The following ITGB8 variants were observed in gnomAD, a reference collection of about 807,000 sequenced individuals.
ITGB8 encodes the protein integrin beta-8.
A neutral mutation model predicts 89.5 loss-of-function variants in ITGB8; 30 were observed. The observed-to-expected ratio is 0.34, with a 90% CI of 0.25 to 0.45. The LOEUF is 0.45. ITGB8 is among the 20% of genes least tolerant of loss of function. The pLI is 1.00. For synonymous variants in ITGB8, 335 were observed against 320.4 expected, an observed-to-expected ratio of 1.05 and a Z score of -0.49; for missense variants, 836 against 933.3, an observed-to-expected ratio of 0.90 and a Z score of 1.36.
intron 1 of ITGB8, among the ~76,000 whole-genome samples, chr7:20,358,418 TC>T (rs1785375681): frequency 6.6e-6 from 1 of 151,020 alleles, no homozygotes; most frequent in African/African-American, 2.5e-5. Context: ...ATCATTTTTT[TC>T]TTTTTTTTTT....
intron 8 of ITGB8, among the ~76,000 whole-genome samples, chr7:20,396,165 G>A (rs544075839): frequency 2.6e-5 from 4 of 152,254 alleles, no homozygotes; most frequent in Admixed American, 1.3e-4. Context: ...TAGGCCGGGC[G>A]CGGTGGTTCA....
At chr7:20,378,685 G>A (rs576069519) in intron 3 of ITGB8, among the ~76,000 whole-genome samples, 4 of 151,834 alleles carry the variant, frequency 2.6e-5, no homozygotes, top group African/African-American at 7.3e-5. Flanking sequence ...ATCGAATGCC[G>A]CTTGCTGGTT....
At chr7:20,330,615 A>G (rs1562642458), upstream of ITGB8, 1 of 152,382 alleles carries the variant, frequency 6.6e-6, no homozygotes, top group Non-Finnish European at 1.5e-5. Context: ...AGCTGGAGTG[A>G]GCAAAACAAA....
intron 6 of ITGB8, among the ~76,000 whole-genome samples, chr7:20,389,586 A>G (rs971681832): frequency 6.6e-6 from 1 of 152,224 alleles, no homozygotes; most frequent in Non-Finnish European, 1.5e-5. Flanking sequence ...AATTGTCCTT[A>G]AAATACAAAT....
At chr7:20,398,134 A>T (rs1338824772) in intron 8 of ITGB8, among the ~76,000 whole-genome samples, 1 of 152,194 alleles carries the variant, frequency 6.6e-6, no homozygotes, top group African/African-American at 2.4e-5. Flanking sequence ...CATTAAATAG[A>T]TATTTATTGA....
chr7:20,404,528 C>A, intron 10 of ITGB8, 100 bp from the exon 11 acceptor site: 1 of 913,078 alleles, frequency 1.1e-6, no homozygotes, highest in South Asian at 1.5e-5. Context: ...ATTGGACTGT[C>A]AGTGCGTTTC....
At chr7:20,340,498 AGG>A (rs1784721923) in intron 1 of ITGB8, among the ~76,000 whole-genome samples, 2 of 152,236 alleles carry the variant, frequency 1.3e-5, no homozygotes. Flanking sequence ...GATTTGGGCC[AGG>A]AATGTTTTGG....
intron 3 of ITGB8, among the ~76,000 whole-genome samples, chr7:20,374,493 A>G (rs1786055301): frequency 6.6e-6 from 1 of 151,910 alleles, no homozygotes; most frequent in Non-Finnish European, 1.5e-5. Flanking sequence ...CTGCTAAAAA[A>G]AAAAAAAAAG....
At chr7:20,407,191 G>A (rs893933864) in intron 12 of ITGB8, among the ~76,000 whole-genome samples, 4 of 152,126 alleles carry the variant, frequency 2.6e-5, no homozygotes, top group Non-Finnish European at 5.9e-5. Flanking sequence ...TGGGAATTCA[G>A]CTGTGTAGAT....
At chr7:20,365,519 TCA>T (rs1041286930) in intron 2 of ITGB8, 2 of 152,190 alleles carry the variant, frequency 1.3e-5, no homozygotes, top group Non-Finnish European at 2.9e-5. Context: ...TGAACCCGCC[TCA>T]CAGTCTTGTG....
intron 8 of ITGB8, among the ~76,000 whole-genome samples, chr7:20,396,706 T>C (rs1787097333): frequency 6.6e-6 from 1 of 152,216 alleles, no homozygotes; most frequent in African/African-American, 2.4e-5. Flanking sequence ...CAAGAGCTTA[T>C]GCTGTAAGAA....
chr7:20,359,205 A>T (rs534742442), intron 1 of ITGB8, among the ~76,000 whole-genome samples: 1 of 152,286 alleles, frequency 6.6e-6, no homozygotes, highest in East Asian at 1.9e-4. Flanking sequence ...TTTATGAGGC[A>T]CTGAGAACTA....
At chr7:20,397,931 A>C (rs1473388755) in intron 8 of ITGB8, among the ~76,000 whole-genome samples, 2 of 152,046 alleles carry the variant, frequency 1.3e-5, no homozygotes, top group Non-Finnish European at 2.9e-5. Context: ...CTCTTTCTTT[A>C]GGCACATACT....
At chr7:20,361,841 G>T (rs1479959056) in intron 1 of ITGB8, among the ~76,000 whole-genome samples, 1 of 152,182 alleles carries the variant, frequency 6.6e-6, no homozygotes, top group Non-Finnish European at 1.5e-5. Flanking sequence ...CAAGCTGGTG[G>T]TAAAGGAAGC....
At chr7:20,395,646 T>A (rs1333874551) in intron 8 of ITGB8, among the ~76,000 whole-genome samples, 1 of 152,298 alleles carries the variant, frequency 6.6e-6, no homozygotes, top group South Asian at 2.1e-4. Context: ...TGTTAAGATG[T>A]TGTGAAAATA....
intron 6 of ITGB8, among the ~76,000 whole-genome samples, chr7:20,382,234 G>A (rs1344109877): frequency 6.6e-6 from 1 of 152,150 alleles, no homozygotes; most frequent in Non-Finnish European, 1.5e-5. Context: ...GGTCTACGGG[G>A]TCGATATCTA....
At chr7:20,333,428 A>C (rs1231431089) in intron 1 of ITGB8, among the ~76,000 whole-genome samples, 1 of 152,234 alleles carries the variant, frequency 6.6e-6, no homozygotes, top group Non-Finnish European at 1.5e-5. Flanking sequence ...TGTTTCAATA[A>C]GTAATAAAGT....
intron 2 of ITGB8, 63 bp from the exon 3 acceptor site, chr7:20,366,949 C>G: frequency 8.9e-7 from 1 of 1,126,408 alleles, no homozygotes; most frequent in Non-Finnish European, 1.3e-6. Flanking sequence ...TTTGCTATGT[C>G]ATTTTCTTTG....
chr7:20,359,299 T>C (rs555260491), intron 1 of ITGB8, among the ~76,000 whole-genome samples: 3 of 152,136 alleles, frequency 2.0e-5, no homozygotes, highest in South Asian at 2.1e-4. Context: ...AGAATTTCCA[T>C]TGGGATCAAT....
Sources: gnomAD v4.1 joint callset for allele counts (sites outside exome capture counted in the v4.1 genomes callset) on GRCh38, gnomAD v4.1.1 for gene constraint, MANE v1.5 for transcripts, NCBI Gene and HGNC (gene_info 2026-07-23, HGNC 2026-07-21) for gene names.